DSCAM: variants seen among roughly 807,000 people sequenced by gnomAD.
The protein encoded by DSCAM is cell adhesion molecule DSCAM.
In DSCAM, 47 loss-of-function variants were observed where a neutral mutation model predicts 217.7. That is an observed-to-expected ratio of 0.22 (90% CI 0.17 to 0.28). The LOEUF is 0.28. DSCAM is among the 10% of genes least tolerant of loss of function. The pLI is 1.00. For synonymous variants in DSCAM, 1,056 were observed against 1,015.3 expected (o/e 1.04, Z -0.76); for missense variants, 2,080 against 2,618.3 (o/e 0.79, Z 4.49).
intron 3 of DSCAM, among the ~76,000 whole-genome samples, chr21:40,619,836 A>G (rs2089455290): frequency 7.1e-6 from 1 of 140,598 alleles, no homozygotes; most frequent in African/African-American, 2.6e-5. Context: ...GATTTTAAGC[A>G]TGTAAAGAAA....
rs200421845 is a variant in DSCAM, at chr21:40,044,279, T to C, written c.5186-4A>G. 3.1e-6 allele frequency: 5 copies of C among 1,612,776 alleles called. No homozygotes were observed. In the Admixed American group the frequency reaches 5.0e-5, roughly 16 times the overall value. The stretch of plus-strand genomic sequence containing the variant: ...GCATTCCTCCTGGTGGTGGGATCTG[T>C]GAAGAGCCAAGAATCATGTCTGCCT... On this transcript the variant is annotated splice_polypyrimidine_tract_variant and splice_region_variant and intron_variant, in intron 30 of 32. Transcript: ENST00000400454.
chr21:40,423,698 C>T (rs1484440693), intron 3 of DSCAM, among the ~76,000 whole-genome samples: 1 of 152,166 alleles, frequency 6.6e-6, no homozygotes, highest in African/African-American at 2.4e-5. Flanking sequence ...GAATTCTTTC[C>T]TCTGAGGAGG....
intron 3 of DSCAM, among the ~76,000 whole-genome samples, chr21:40,498,694 TATAG>T (rs1311970514): frequency 0.029 from 166 of 5,730 alleles, 22 homozygotes; most frequent in South Asian, 0.055. Context: ...TATATATATA[TATAG>T]ATATATATAT....
chr21:40,014,790 G>A (rs765102651), intron 32 of DSCAM, among the ~76,000 whole-genome samples: 9 of 152,152 alleles, frequency 5.9e-5, no homozygotes, highest in Admixed American at 1.3e-4. Flanking sequence ...CTTGCTAGGC[G>A]CTTCTCAAAA....
At position 40,124,049 on chromosome 21, in the gene DSCAM, T is replaced by C. The variant is rs2090066519; in HGVS notation, c.3696+146A>G. ...ATGAGGTGTAAATGAGGACTTTGTT[T>C]TGTATGTGGAGACAGCAGGGGCAAA... On this transcript the variant is annotated intron_variant, in intron 20 of 32. Coordinates refer to ENST00000400454, the MANE Select transcript of DSCAM (RefSeq NM_001389.5). 2.8e-6 allele frequency: 3 copies of C among 1,056,096 alleles called. No homozygotes were observed. In the South Asian group the frequency reaches 4.8e-5, roughly 17 times the overall value. The allele number at this position is 1,056,096 out of a possible 1,614,324, so 65.4% of individuals were successfully genotyped here. A position where few individuals can be genotyped will look rare whatever the true frequency, so the allele number is the denominator to read the frequency against.
intron 27 of DSCAM, 106 bp from the exon 28 acceptor site, chr21:40,063,005 ACACAAT>A: frequency 2.0e-6 from 2 of 977,732 alleles, no homozygotes; most frequent in Non-Finnish European, 2.9e-6. Flanking sequence ...TCATTTTGAA[ACACAAT>A]CATATACCCA....
rs1470084163 is a variant in DSCAM, at chr21:40,085,674, A to C, written c.4060T>G (p.Ser1354Ala). The C allele has an allele frequency of 6.3e-7, 1 of 1,596,592 alleles. No individual in the cohort carries two copies. Among genetic ancestry groups the C allele is most frequent in the South Asian group, 1.1e-5 (1 of 89,546 alleles). ...FIIRTVKAEDSGYYSCIANNN... is the reference protein window; with the variant it reads ...FIIRTVKAEDAGYYSCIANNN... ...TTGGCAATGCAGCTGTAATAGCCGG[A>C]GTCTTCTGCTTTCACCGTGCGAATA... Residue 1354 changes from serine to alanine, a missense_variant, in exon 23 of 33, where the codon TCC becomes GCC. Around this residue, in one of 5 missense-constraint regions of DSCAM, gnomAD observed 1,144 missense variants for 1,421.1 expected, o/e 0.81. Transcript: ENST00000400454.
At chr21:40,446,194 T>C (rs145864436) in intron 3 of DSCAM, among the ~76,000 whole-genome samples, 176 of 152,362 alleles carry the variant, frequency 1.2e-3, no homozygotes, top group African/African-American at 3.7e-3. Context: ...ATTAGTTATT[T>C]AGGTCTAATA....
intron 3 of DSCAM, among the ~76,000 whole-genome samples, chr21:40,502,649 C>G (rs1427879971): frequency 6.6e-6 from 1 of 152,186 alleles, no homozygotes; most frequent in Non-Finnish European, 1.5e-5. Context: ...GACACGGGTT[C>G]TCCCGTCTCT....
At chr21:40,059,290 G>A (rs1429312557) in intron 28 of DSCAM, among the ~76,000 whole-genome samples, 1 of 152,134 alleles carries the variant, frequency 6.6e-6, no homozygotes, top group Admixed American at 6.5e-5. Context: ...AACATTATAT[G>A]TTAGCTCTCT....
chr21:40,693,057 T>C, intron 2 of DSCAM, 101 bp from the exon 3 acceptor site: 1 of 1,301,978 alleles, frequency 7.7e-7, no homozygotes, highest in South Asian at 1.9e-5. Context: ...ACACATCAAT[T>C]GCATAACATA....
chr21:40,269,362 TC>T (rs1453788544), intron 11 of DSCAM, among the ~76,000 whole-genome samples: 2 of 152,214 alleles, frequency 1.3e-5, no homozygotes, highest in African/African-American at 2.4e-5. Flanking sequence ...TGTCTGCCCA[TC>T]CTTCAATCAA....
chr21:40,285,862 C>T (rs997760911), intron 10 of DSCAM, among the ~76,000 whole-genome samples: 3 of 152,112 alleles, frequency 2.0e-5, no homozygotes, highest in Admixed American at 6.5e-5. Flanking sequence ...CATCTTATCA[C>T]CTAATTGGAA....
chr21:40,684,600 G>C (rs2090454033), intron 3 of DSCAM, among the ~76,000 whole-genome samples: 1 of 152,230 alleles, frequency 6.6e-6, no homozygotes, highest in East Asian at 1.9e-4. Flanking sequence ...AATACCTTGA[G>C]TTCACACTGA....
intron 11 of DSCAM, among the ~76,000 whole-genome samples, chr21:40,266,362 A>G (rs117712569): frequency 0.024 from 3,576 of 152,160 alleles, 270 homozygotes; most frequent in East Asian, 0.22. Context: ...AGATGTTGGC[A>G]TGGATGTATT....
At chr21:40,777,252 C>T (rs888258128) in intron 1 of DSCAM, among the ~76,000 whole-genome samples, 2 of 152,136 alleles carry the variant, frequency 1.3e-5, no homozygotes, top group African/African-American at 4.8e-5. Flanking sequence ...CACTTATGAC[C>T]TAATCACCTC....
At chr21:40,499,264 A>G (rs2076153430) in intron 3 of DSCAM, among the ~76,000 whole-genome samples, 1 of 152,216 alleles carries the variant, frequency 6.6e-6, no homozygotes, top group Non-Finnish European at 1.5e-5. Flanking sequence ...AAATATCTAG[A>G]CAGCTATTGA....
intron 3 of DSCAM, among the ~76,000 whole-genome samples, chr21:40,494,294 G>A (rs545309185): frequency 1.4e-3 from 211 of 152,258 alleles, no homozygotes; most frequent in African/African-American, 4.8e-3. Context: ...ACCCAACTAT[G>A]TGCTGCTTGT....
chr21:40,558,325 G>A (rs1482763396), intron 3 of DSCAM, among the ~76,000 whole-genome samples: 2 of 152,066 alleles, frequency 1.3e-5, no homozygotes, highest in Admixed American at 1.3e-4. Flanking sequence ...GCGGGCACCT[G>A]TAGTCCCAGC....
Sources: gnomAD v4.1 joint callset for allele counts (sites outside exome capture counted in the v4.1 genomes callset) on GRCh38, gnomAD v4.1.1 for gene constraint, gnomAD v4.1.1 regional missense constraint, MANE v1.5 for transcripts, NCBI Gene and HGNC (gene_info 2026-07-23, HGNC 2026-07-21) for gene names.